The following SLC24A2 variants were observed in gnomAD, a reference collection of about 807,000 sequenced individuals.
SLC24A2 encodes solute carrier family 24 member 2.
A neutral mutation model predicts 62.0 loss-of-function variants in SLC24A2; 36 were observed. The observed-to-expected ratio is 0.58, with a 90% confidence interval of 0.44 to 0.77. SLC24A2 has a LOEUF of 0.77. Among genes scored for constraint, SLC24A2 ranks in the 30% least tolerant of loss-of-function variants. The pLI, the probability that SLC24A2 is intolerant of heterozygous loss-of-function variation, is 0.00. For synonymous variants in SLC24A2, 358 were observed against 294.0 expected, an observed-to-expected ratio of 1.22 and a Z score of -2.23; for missense variants, 846 against 817.9, an observed-to-expected ratio of 1.03 and a Z score of -0.42.
the SLC24A2 span, among the ~76,000 whole-genome samples, chr9:19,975,861 T>C: frequency 6.6e-6 from 1 of 152,054 alleles, no homozygotes; most frequent in African/African-American, 2.4e-5. Flanking sequence ...ATTGAAAATA[T>C]TTAGAAAAAA....
chr9:19,553,860 CCGGTTAA>C (rs1372134285), intron 7 of SLC24A2, among the ~76,000 whole-genome samples: 1 of 152,208 alleles, frequency 6.6e-6, no homozygotes, highest in African/African-American at 2.4e-5. Context: ...GGGCTGCTGG[CCGGTTAA>C]CGTGGCAAGA....
rs1309306022 is a variant in SLC24A2, at chr9:19,516,257, T to C, written c.1882A>G (p.Met628Val). Residue 628 changes from methionine (M) to valine (V), a missense_variant, in exon 11 of 11, where the codon ATG becomes GTG. Met to Val is a conservative substitution (Grantham distance 21, BLOSUM62 1). Coordinates refer to ENST00000341998, the MANE Select transcript of SLC24A2 (RefSeq NM_020344.4). ...ATGATGAAGCCCAGGATTTTGTTCA[T>C]TCGCCACTTGCAGAGGGCGATAGAG... is the stretch of plus-strand genomic sequence containing the variant. ...ILSIALCKWR[M>V]NKILGFIMFG... The C allele has an allele frequency of 6.2e-7, 1 of 1,614,152 alleles. No homozygotes were observed. Among genetic ancestry groups the C allele is most frequent in the Non-Finnish European group, 8.5e-7 (1 of 1,180,016 alleles).
the SLC24A2 span, among the ~76,000 whole-genome samples, chr9:19,831,975 CA>C: frequency 6.6e-6 from 1 of 152,136 alleles, no homozygotes; most frequent in Non-Finnish European, 1.5e-5. Flanking sequence ...ATTGCTGATC[CA>C]GCATTAGTTG....
intron 2 of SLC24A2, among the ~76,000 whole-genome samples, chr9:19,670,130 C>A (rs558643794): frequency 1.3e-5 from 2 of 152,298 alleles, no homozygotes; most frequent in South Asian, 4.1e-4. Context: ...CACCCCTTCC[C>A]ATCTCTTGTG....
upstream of SLC24A2, among the ~76,000 whole-genome samples, chr9:19,793,070 C>T (rs1345212440): frequency 2.6e-5 from 4 of 152,190 alleles, no homozygotes; most frequent in Admixed American, 2.0e-4. Context: ...TCTAGCCCTG[C>T]GCTTGGCATT....
At chr9:19,848,222 T>C in the SLC24A2 span, among the ~76,000 whole-genome samples, 1 of 152,208 alleles carries the variant, frequency 6.6e-6, no homozygotes, top group African/African-American at 2.4e-5. Context: ...CATTGATTTC[T>C]GTTTTGTTTT....
intron 2 of SLC24A2, among the ~76,000 whole-genome samples, chr9:19,690,672 A>C (rs1054384236): frequency 6.6e-6 from 1 of 152,152 alleles, no homozygotes; most frequent in African/African-American, 2.4e-5. Context: ...CTACTGGACA[A>C]TTCAGTTTCA....
chr9:19,794,349 G>A, the SLC24A2 span, among the ~76,000 whole-genome samples: 20 of 152,030 alleles, frequency 1.3e-4, no homozygotes, highest in African/African-American at 4.1e-4. Context: ...AATTAATGCA[G>A]GAACAGAAAA....
intron 2 of SLC24A2, among the ~76,000 whole-genome samples, chr9:19,716,816 T>C (rs570066072): frequency 1.3e-5 from 2 of 152,322 alleles, no homozygotes; most frequent in South Asian, 4.1e-4. Context: ...TTTTTATCTT[T>C]CTTTTGTCTT....
intron 2 of SLC24A2, among the ~76,000 whole-genome samples, chr9:19,720,699 C>CAA (rs72548996): frequency 3.6e-5 from 3 of 82,308 alleles, no homozygotes; most frequent in East Asian, 4.1e-4. Context: ...ACCCCCCCCC[C>CAA]CAAAAAAAAT....
At chr9:19,568,638 C>G (rs1214514764) in intron 7 of SLC24A2, among the ~76,000 whole-genome samples, 1 of 152,208 alleles carries the variant, frequency 6.6e-6, no homozygotes, top group African/African-American at 2.4e-5. Context: ...CAGGGTCACA[C>G]AGCTGGTAAG....
chr9:20,111,214 G>A, the SLC24A2 span, among the ~76,000 whole-genome samples: 10 of 152,272 alleles, frequency 6.6e-5, no homozygotes, highest in African/African-American at 2.4e-4. Flanking sequence ...GTAGGAGTGG[G>A]AGAGCAGGAA....
intron 8 of SLC24A2, among the ~76,000 whole-genome samples, chr9:19,541,333 G>A (rs1193787656): frequency 6.7e-6 from 1 of 149,766 alleles, no homozygotes; most frequent in Admixed American, 6.6e-5. Context: ...CCATCTTTGT[G>A]GTTTTATCTA....
intron 7 of SLC24A2, among the ~76,000 whole-genome samples, chr9:19,569,483 G>A (rs1382678631): frequency 6.6e-6 from 1 of 152,134 alleles, no homozygotes; most frequent in Non-Finnish European, 1.5e-5. Context: ...CAGACTGGTT[G>A]GCAGTGCGCA....
the SLC24A2 span, among the ~76,000 whole-genome samples, chr9:20,208,651 G>C: frequency 6.6e-6 from 1 of 152,168 alleles, no homozygotes. Flanking sequence ...TTTGCTGGCA[G>C]TGCTCATGAC....
At chr9:20,257,292 A>T in the SLC24A2 span, among the ~76,000 whole-genome samples, 1 of 151,988 alleles carries the variant, frequency 6.6e-6, no homozygotes, top group African/African-American at 2.4e-5. Flanking sequence ...TTAGGAACAA[A>T]TACACTCCAA....
At chr9:19,862,876 C>T in the SLC24A2 span, among the ~76,000 whole-genome samples, 93,252 of 151,572 alleles carry the variant, frequency 0.62, 29,222 homozygotes, top group Non-Finnish European at 0.64. Context: ...AATTAAATCA[C>T]ATCTCCAGAG....
At chr9:20,058,089 G>A in the SLC24A2 span, among the ~76,000 whole-genome samples, 2 of 152,144 alleles carry the variant, frequency 1.3e-5, no homozygotes, top group Non-Finnish European at 2.9e-5. Context: ...AAACTTCCTG[G>A]CTCACAACTA....
chr9:20,022,339 A>C, the SLC24A2 span, among the ~76,000 whole-genome samples: 2 of 152,236 alleles, frequency 1.3e-5, no homozygotes, highest in Admixed American at 1.3e-4. Flanking sequence ...CAATTCATAG[A>C]TATTTATTTA....
Sources: gnomAD v4.1 joint callset for allele counts (sites outside exome capture counted in the v4.1 genomes callset) on GRCh38, gnomAD v4.1.1 for gene constraint, MANE v1.5 for transcripts, NCBI Gene and HGNC (gene_info 2026-07-23, HGNC 2026-07-21) for gene names.